The following CC2D2A variants were observed in gnomAD, a reference collection of about 807,000 sequenced individuals.
The protein encoded by CC2D2A is coiled-coil and C2 domain containing 2A.
In CC2D2A, 155 loss-of-function variants were observed where a neutral mutation model predicts 212.9. That is an observed-to-expected ratio of 0.73 (90% CI 0.64 to 0.83). The LOEUF (loss-of-function observed/expected upper bound fraction) is 0.83. CC2D2A is among the 40% of genes least tolerant of loss of function. CC2D2A has a pLI of 0.00. For synonymous variants in CC2D2A, 667 were observed against 686.5 expected, an observed-to-expected ratio of 0.97 and a Z score of 0.44; for missense variants, 1,856 against 1,956.2, an observed-to-expected ratio of 0.95 and a Z score of 0.97.
chr4:15,541,072 G>T, intron 17 of CC2D2A, 58 bp downstream of exon 17: 2 of 1,396,190 alleles, frequency 1.4e-6, no homozygotes, highest in Non-Finnish European at 9.5e-7. Context: ...TGTACTTTGG[G>T]AGGCCAAGGT....
At chr4:15,490,950 C>A (rs937749703) in intron 4 of CC2D2A, among the ~76,000 whole-genome samples, 10 of 152,134 alleles carry the variant, frequency 6.6e-5, no homozygotes, top group Non-Finnish European at 1.5e-5. Flanking sequence ...GACCCCCTCA[C>A]ACGGACCGCC....
chr4:15,547,730 T>G (rs1718784010), intron 17 of CC2D2A, among the ~76,000 whole-genome samples: 1 of 152,190 alleles, frequency 6.6e-6, no homozygotes, highest in Admixed American at 6.5e-5. Context: ...AAAAATAGCA[T>G]TTCTTCCTAG....
chr4:15,530,346 A>G (rs976486144), intron 13 of CC2D2A, among the ~76,000 whole-genome samples: 4 of 152,204 alleles, frequency 2.6e-5, no homozygotes, highest in Admixed American at 2.6e-4. Context: ...AGTAGAAATT[A>G]GTGAAGTTTG....
At chr4:15,494,479 A>C (rs1192748721) in intron 4 of CC2D2A, among the ~76,000 whole-genome samples, 1 of 152,280 alleles carries the variant, frequency 6.6e-6, no homozygotes, top group East Asian at 1.9e-4. Context: ...GCTGGGGCTC[A>C]TACAGGGACA....
intron 4 of CC2D2A, among the ~76,000 whole-genome samples, chr4:15,500,095 G>A (rs1560151778): frequency 2.1e-4 from 11 of 52,568 alleles, no homozygotes; most frequent in African/African-American, 5.1e-4. Flanking sequence ...GTGTGTGTGT[G>A]TGTGTGTGTG....
Position 15,514,698 on chromosome 4 carries a change from A to C in CC2D2A, c.718-9A>C. Reference sequence around the variant, plus strand: ...TGATTTTTTCTTGTTACTTTTTAACATTATGCAGGATGAGGAAGAACTGCT... The same window carrying C: ...TGATTTTTTCTTGTTACTTTTTAACCTTATGCAGGATGAGGAAGAACTGCT... On this transcript the variant is annotated splice_polypyrimidine_tract_variant and intron_variant, in intron 8 of 36. Transcript: ENST00000424120. The C allele has an allele frequency of 6.7e-7, 1 of 1,501,290 alleles. No homozygotes were observed. Among genetic ancestry groups the C allele is most frequent in the Non-Finnish European group, 9.0e-7 (1 of 1,116,574 alleles). 93.0% of individuals were successfully genotyped at this position (1,501,290 alleles called of 1,614,324 possible). A position where few individuals can be genotyped will look rare whatever the true frequency, so the allele number is the denominator to read the frequency against.
chr4:15,548,990 G>A (rs1460577638), intron 17 of CC2D2A, among the ~76,000 whole-genome samples: 3 of 152,096 alleles, frequency 2.0e-5, no homozygotes, highest in Admixed American at 1.3e-4. Context: ...AATAGTTGAG[G>A]TTATTAAGGA....
intron 6 of CC2D2A, among the ~76,000 whole-genome samples, chr4:15,507,671 C>A (rs549046710): frequency 6.6e-6 from 1 of 152,262 alleles, no homozygotes; most frequent in African/African-American, 2.4e-5. Context: ...TAATTACGTA[C>A]CCTTCATCCT....
Position 15,519,669 on chromosome 4 carries a change from A to T in CC2D2A, c.1149+2913A>T, listed in dbSNP as rs541514093. ...ATCATGGTGGAAGACAAGGAGGAGC[A>T]AGTCACATCTAACATGGATGGCAGC... On this transcript the variant is annotated intron_variant, in intron 11 of 36. Coordinates refer to ENST00000424120, the MANE Select transcript of CC2D2A (RefSeq NM_001378615.1). 94 of 431,306 alleles carry T rather than the reference A, an allele frequency of 2.2e-4. 1 individual carries two copies. Among genetic ancestry groups the T allele is most frequent in the South Asian group, 4.9e-4 (28 of 57,254 alleles). The allele number at this position is 431,306 out of a possible 1,614,324, so 26.7% of individuals were successfully genotyped here. A position where few individuals can be genotyped will look rare whatever the true frequency, so the allele number is the denominator to read the frequency against.
At chr4:15,501,287 G>A (rs900542250) in intron 4 of CC2D2A, among the ~76,000 whole-genome samples, 1 of 151,822 alleles carries the variant, frequency 6.6e-6, no homozygotes, top group Non-Finnish European at 1.5e-5. Flanking sequence ...ATTTTCCTTT[G>A]TGTGGCCTGT....
rs765072583 is a variant in CC2D2A at position 15,480,828 on chromosome 4, G to C, written c.247+1G>C. On this transcript the variant is annotated splice_donor_variant, in intron 4 of 36. Coordinates refer to ENST00000424120, the MANE Select transcript of CC2D2A (RefSeq NM_001378615.1). LOFTEE classifies it high-confidence loss of function. ...ATGACAGTCCGGAGAGGCCCACGGAGTAAGTGCCCCTCTTCCATTCAGCTA... is the reference window on the plus strand; with the variant it reads ...ATGACAGTCCGGAGAGGCCCACGGACTAAGTGCCCCTCTTCCATTCAGCTA... The C allele has an allele frequency of 6.2e-7, 1 of 1,610,628 alleles. No individual in the cohort carries two copies. Among genetic ancestry groups the C allele is most frequent in the Non-Finnish European group, 8.5e-7 (1 of 1,177,996 alleles).
intron 17 of CC2D2A, among the ~76,000 whole-genome samples, chr4:15,545,891 T>C (rs1016996684): frequency 6.6e-6 from 1 of 152,046 alleles, no homozygotes; most frequent in Non-Finnish European, 1.5e-5. Flanking sequence ...GAAGGATAGC[T>C]TGGGCCCAGA....
At chr4:15,562,803 G>A (rs912302879) in intron 23 of CC2D2A, among the ~76,000 whole-genome samples, 3 of 152,254 alleles carry the variant, frequency 2.0e-5, no homozygotes, top group Non-Finnish European at 4.4e-5. Flanking sequence ...TCTAACTCCA[G>A]AGTGAAAGAG....
chr4:15,478,958 A>G lies in CC2D2A; in HGVS notation c.123+152A>G, dbSNP rs1714429423. On this transcript the variant is annotated intron_variant, in intron 3 of 36. Coordinates refer to ENST00000424120, the MANE Select transcript of CC2D2A (RefSeq NM_001378615.1). The stretch of plus-strand genomic sequence containing the variant: ...GGGGGGCTGTGAGGCGGGGATGCAG[A>G]TGGGTGGTCCAGGGTGCAGGAGCCT... 3.9e-5 allele frequency among the ~76,000 whole-genome samples: 6 copies of G among 152,140 alleles called. No homozygotes were observed. The South Asian group carries it at 1.2e-3, about 32-fold the overall frequency.
In CC2D2A at chr4:15,550,809, TTC is replaced by T. The variant is rs768868487; in HGVS notation, c.2182-11_2182-10del. 11 of 1,544,462 alleles carry T rather than the reference TTC, an allele frequency of 7.1e-6. No individual in the cohort carries two copies. Among genetic ancestry groups the T allele is most frequent in the Admixed American group, 5.2e-5 (3 of 57,436 alleles). On this transcript the variant is annotated splice_polypyrimidine_tract_variant and intron_variant, in intron 17 of 36. Coordinates refer to ENST00000424120, the MANE Select transcript of CC2D2A (RefSeq NM_001378615.1). Reference sequence around the variant, plus strand: ...CTGCTGTTTTTATTGGCTATTTCTCTTCTCTGGTTTTCAGGTCTATGAAACTG... The same window carrying T: ...CTGCTGTTTTTATTGGCTATTTCTCTTCTGGTTTTCAGGTCTATGAAACTG...
chr4:15,481,855 C>G (rs1213223941), intron 4 of CC2D2A: 2 of 985,230 alleles, frequency 2.0e-6, no homozygotes, highest in African/African-American at 3.5e-5. Context: ...ATGTGTTAAC[C>G]TAGTGAGGCT....
chr4:15,584,306 T>C (rs999203227), intron 30 of CC2D2A, among the ~76,000 whole-genome samples: 1 of 152,158 alleles, frequency 6.6e-6, no homozygotes, highest in South Asian at 2.1e-4. Flanking sequence ...AAAACCCACA[T>C]AGACCAATGG....
chr4:15,597,292 A>G (rs1721359898), intron 34 of CC2D2A, 115 bp from the exon 35 acceptor site: 1 of 776,256 alleles, frequency 1.3e-6, no homozygotes, highest in Non-Finnish European at 2.2e-6. Context: ...CATGCATTAT[A>G]TTATTTTCTA....
chr4:15,492,897 G>A, intron 4 of CC2D2A: 2 of 554,514 alleles, frequency 3.6e-6, no homozygotes, highest in Admixed American at 4.2e-5. Flanking sequence ...CAGCCTGGGT[G>A]CTCAGTGTAG....
Sources: allele counts gnomAD v4.1 joint callset (sites outside exome capture counted in the v4.1 genomes callset), GRCh38; gene constraint gnomAD v4.1.1; transcripts MANE v1.5; gene names NCBI Gene and HGNC (gene_info 2026-07-23, HGNC 2026-07-21).